PTPRN2: variants seen among roughly 807,000 people sequenced by gnomAD.
The protein encoded by PTPRN2 is protein tyrosine phosphatase receptor type N2, also known as receptor-type tyrosine-protein phosphatase N2.
A neutral mutation model predicts 118.8 loss-of-function variants in PTPRN2; 74 were observed. The observed-to-expected ratio is 0.62, with a 90% CI of 0.52 to 0.76. The LOEUF is 0.76. Among genes scored for constraint, PTPRN2 ranks in the 30% least tolerant of loss-of-function variants. The probability of loss-of-function intolerance (pLI) is 0.00; values close to 1 mark genes in which losing one functional copy is unlikely to be tolerated. For synonymous variants in PTPRN2, 641 were observed against 608.0 expected (o/e 1.05, Z -0.80); for missense variants, 1,481 against 1,394.4 (o/e 1.06, Z -0.99).
chr7:157,563,194 G>A (rs150374922), intron 21 of PTPRN2, among the ~76,000 whole-genome samples: 2,751 of 107,388 alleles, frequency 0.026, 295 homozygotes, highest in Non-Finnish European at 0.04. Flanking sequence ...TCAGGACCAC[G>A]TGCTCCCATG....
intron 1 of PTPRN2, among the ~76,000 whole-genome samples, chr7:158,553,855 G>A (rs1401301590): frequency 6.8e-6 from 1 of 147,058 alleles, no homozygotes; most frequent in African/African-American, 2.5e-5. Context: ...CATTTGGAGG[G>A]CTCCAGCTCC....
At chr7:157,714,247 T>C (rs1311669496) in intron 12 of PTPRN2, among the ~76,000 whole-genome samples, 1 of 152,184 alleles carries the variant, frequency 6.6e-6, no homozygotes, top group Non-Finnish European at 1.5e-5. Context: ...ACAGACACAG[T>C]GTATGGATGC....
intron 11 of PTPRN2, among the ~76,000 whole-genome samples, chr7:157,910,910 G>T (rs1423471373): frequency 6.6e-6 from 1 of 152,244 alleles, no homozygotes; most frequent in Non-Finnish European, 1.5e-5. Flanking sequence ...CTAACTGTCA[G>T]AAGGAATTAA....
intron 11 of PTPRN2, among the ~76,000 whole-genome samples, chr7:157,980,168 G>T (rs1803029282): frequency 1.3e-5 from 2 of 152,190 alleles, no homozygotes; most frequent in African/African-American, 2.4e-5. Context: ...CATCACTGAG[G>T]TTTCTCTGCA....
rs569177053 is a variant in PTPRN2 at position 157,744,863 on chromosome 7, C to T, written c.1789-61926G>A. Among the ~76,000 whole-genome samples the T allele has an allele frequency of 2.4e-4, 36 of 152,308 alleles. No homozygotes were observed. The South Asian group carries it at 6.0e-3, about 25-fold the overall frequency. On this transcript the variant is annotated intron_variant, in intron 12 of 22. Transcript: ENST00000389418. ...TTCAAAGGCCTCTTACCAAACGACTCGGGGCTTCCCTCAGCCCCTGGGTGT... is the reference window on the plus strand; with the variant it reads ...TTCAAAGGCCTCTTACCAAACGACTTGGGGCTTCCCTCAGCCCCTGGGTGT...
chr7:157,666,503 G>GAA (rs113097838), intron 13 of PTPRN2, among the ~76,000 whole-genome samples: 1 of 119,788 alleles, frequency 8.3e-6, no homozygotes, highest in African/African-American at 2.7e-5. Context: ...TAGTGTGTTA[G>GAA]AAAAAAAAAA....
chr7:157,646,463 G>A (rs1463971233), intron 14 of PTPRN2, among the ~76,000 whole-genome samples: 1 of 152,130 alleles, frequency 6.6e-6, no homozygotes, highest in East Asian at 1.9e-4. Flanking sequence ...CATGCTTCCT[G>A]TACAGCCTAC....
chr7:158,340,770 T>C (rs1291873105), intron 2 of PTPRN2, among the ~76,000 whole-genome samples: 1 of 78,812 alleles, frequency 1.3e-5, no homozygotes, highest in Non-Finnish European at 2.5e-5. Flanking sequence ...ACCCACACTC[T>C]CACCATAATT....
intron 21 of PTPRN2, among the ~76,000 whole-genome samples, 163 bp downstream of exon 21, chr7:157,568,739 A>C (rs558564092): frequency 6.6e-6 from 1 of 152,346 alleles, no homozygotes; most frequent in East Asian, 1.9e-4. Flanking sequence ...GACCAGCCTC[A>C]GAAGCAGATG....
At chr7:157,762,503 C>G (rs1469453840) in intron 12 of PTPRN2, among the ~76,000 whole-genome samples, 1 of 149,132 alleles carries the variant, frequency 6.7e-6, no homozygotes, top group Non-Finnish European at 1.5e-5. Context: ...AACAAAAAAC[C>G]GAACACCGCA....
chr7:157,954,001 G>A (rs12698116), intron 11 of PTPRN2, among the ~76,000 whole-genome samples: 54,099 of 151,848 alleles, frequency 0.36, 12,218 homozygotes, highest in Non-Finnish European at 0.52. Flanking sequence ...AGGTGTTCAG[G>A]TTCGTATCTG....
chr7:157,873,419 G>A (rs1270719190), intron 12 of PTPRN2, among the ~76,000 whole-genome samples: 1 of 152,234 alleles, frequency 6.6e-6, no homozygotes, highest in East Asian at 1.9e-4. Context: ...CGTGTGCCAA[G>A]GACATGTGCT....
intron 11 of PTPRN2, among the ~76,000 whole-genome samples, chr7:157,958,061 G>T (rs1181496406): frequency 6.6e-6 from 1 of 152,020 alleles, no homozygotes; most frequent in Non-Finnish European, 1.5e-5. Context: ...TGACCAAGTG[G>T]GATGTATTCC....
At chr7:158,235,317 A>G (rs1293127724) in intron 3 of PTPRN2, among the ~76,000 whole-genome samples, 2 of 152,248 alleles carry the variant, frequency 1.3e-5, no homozygotes, top group African/African-American at 4.8e-5. Flanking sequence ...AGGACTAGTC[A>G]CAATAGCAAA....
intron 5 of PTPRN2, among the ~76,000 whole-genome samples, chr7:158,178,561 T>C (rs1373903175): frequency 1.3e-5 from 2 of 150,576 alleles, no homozygotes; most frequent in Admixed American, 6.6e-5. Context: ...TAGTATTCCA[T>C]GGTGTATATA....
chr7:157,771,382 C>A (rs942980133), intron 12 of PTPRN2, among the ~76,000 whole-genome samples: 1 of 152,248 alleles, frequency 6.6e-6, no homozygotes, highest in African/African-American at 2.4e-5. Flanking sequence ...CCCCCCCATT[C>A]CCTGTCTCCA....
chr7:158,269,357 C>T (rs1798140708), intron 3 of PTPRN2, among the ~76,000 whole-genome samples: 1 of 152,212 alleles, frequency 6.6e-6, no homozygotes, highest in Non-Finnish European at 1.5e-5. Flanking sequence ...GAGGCGCGGC[C>T]ATCCCCGTCA....
At chr7:157,662,691 G>C (rs1390679149) in intron 13 of PTPRN2, among the ~76,000 whole-genome samples, 1 of 152,192 alleles carries the variant, frequency 6.6e-6, no homozygotes, top group Non-Finnish European at 1.5e-5. Context: ...GGAAGGAGGA[G>C]GAGGAGAGAG....
chr7:158,190,301 C>A (rs1048625821), intron 5 of PTPRN2, among the ~76,000 whole-genome samples: 7 of 152,186 alleles, frequency 4.6e-5, no homozygotes, highest in Admixed American at 6.5e-5. Context: ...ATGAAATCCA[C>A]CTTCTGCATC....
Sources: gnomAD v4.1 joint callset for allele counts (sites outside exome capture counted in the v4.1 genomes callset) on GRCh38, gnomAD v4.1.1 for gene constraint, MANE v1.5 for transcripts, NCBI Gene and HGNC (gene_info 2026-07-23, HGNC 2026-07-21) for gene names.